The following RANBP2 variants were observed in gnomAD, a reference collection of about 807,000 sequenced individuals.
The protein encoded by RANBP2 is RAN binding protein 2, also known as E3 SUMO-protein ligase RanBP2.
Under a neutral mutation model 303.6 loss-of-function variants are expected in RANBP2, and 57 were observed. The ratio of observed to expected loss-of-function variants is 0.19; its 90% confidence interval spans 0.15 to 0.23. The LOEUF (loss-of-function observed/expected upper bound fraction) is 0.23. RANBP2 is among the 10% of genes least tolerant of loss of function. RANBP2 has a pLI of 1.00. For missense variants in RANBP2, 3,138 were observed against 3,780.8 expected (o/e 0.83, Z 4.46); for synonymous variants, 1,167 against 1,301.5 (o/e 0.90, Z 2.23).
the RANBP2 span, among the ~76,000 whole-genome samples, chr2:109,553,679 C>A: frequency 1.3e-5 from 2 of 151,854 alleles, no homozygotes; most frequent in African/African-American, 2.4e-5. Flanking sequence ...ATGGTGAAAC[C>A]CTGTCTCTAC....
chr2:109,322,412 C>T, the RANBP2 span, among the ~76,000 whole-genome samples: 2 of 152,162 alleles, frequency 1.3e-5, no homozygotes, highest in African/African-American at 4.8e-5. Context: ...ATCCAGGAGC[C>T]TGAACTAGGA....
the RANBP2 span, among the ~76,000 whole-genome samples, chr2:109,528,859 G>C: frequency 6.6e-6 from 1 of 152,236 alleles, no homozygotes; most frequent in Non-Finnish European, 1.5e-5. Flanking sequence ...GTCCTTGGAA[G>C]TGACCATGGG....
At position 108,764,775 on chromosome 2, in the gene RANBP2, T is replaced by G; in HGVS notation, c.4236T>G (p.Thr1412=). 2 of 1,614,042 alleles carry G rather than the reference T, an allele frequency of 1.2e-6. No individual in the cohort carries two copies. Among genetic ancestry groups the G allele is most frequent in the Non-Finnish European group, 1.7e-6 (2 of 1,179,982 alleles). Residue 1412 remains threonine, a synonymous_variant, in exon 20 of 29, where the codon ACT becomes ACG. Transcript: ENST00000283195. ...ENVQDRFALV[T]PKKEGHWDCS... Reference sequence around the variant, plus strand: ...TTCAAGATCGATTTGCATTGGTGACTCCAAAGAAAGAAGGTCACTGGGATT... The same window carrying G: ...TTCAAGATCGATTTGCATTGGTGACGCCAAAGAAAGAAGGTCACTGGGATT...
the RANBP2 span, among the ~76,000 whole-genome samples, chr2:109,066,306 A>G: frequency 2.0e-5 from 3 of 151,818 alleles, no homozygotes; most frequent in Non-Finnish European, 4.4e-5. Flanking sequence ...ACGGGGTTTC[A>G]CCATGTTGGC....
Position 108,736,204 on chromosome 2 carries a change from C to G in RANBP2, c.737C>G (p.Thr246Arg), listed in dbSNP as rs770986482. Reference protein sequence around the residue: ...LLAYANLMLLTLSTRDVQESR... With the variant: ...LLAYANLMLLRLSTRDVQESR... ...GCCTATGCTAATCTTATGCTTCTTACGCTTTCCACTAGAGATGTGCAGGAA... is the reference window on the plus strand; with the variant it reads ...GCCTATGCTAATCTTATGCTTCTTAGGCTTTCCACTAGAGATGTGCAGGAA... The change falls in exon 6 of 29, where the codon ACG (threonine) becomes AGG (arginine). Residue 246 changes from threonine to arginine, a missense_variant. By Grantham distance (71) the Thr-to-Arg change is moderately conservative (BLOSUM62 -1). Around this residue, in one of 20 missense-constraint regions of RANBP2, gnomAD observed 306 missense variants for 381.9 expected, o/e 0.80. Coordinates refer to ENST00000283195, the MANE Select transcript of RANBP2 (RefSeq NM_006267.5). The G allele has an allele frequency of 2.5e-5, 41 of 1,611,960 alleles. No individual in the cohort carries two copies. Among genetic ancestry groups the G allele is most frequent in the Non-Finnish European group, 3.5e-5 (41 of 1,179,844 alleles).
chr2:109,161,878 TG>T, the RANBP2 span, among the ~76,000 whole-genome samples: 656 of 151,958 alleles, frequency 4.3e-3, 3 homozygotes, highest in African/African-American at 0.015. Flanking sequence ...ATACAAGGTT[TG>T]GGGGACAAAT....
the RANBP2 span, among the ~76,000 whole-genome samples, chr2:109,141,942 C>T: frequency 1.3e-5 from 2 of 152,102 alleles, no homozygotes; most frequent in African/African-American, 4.8e-5. Flanking sequence ...CCTTTCTACA[C>T]TCACGGAAGT....
chr2:109,288,609 G>A, the RANBP2 span, among the ~76,000 whole-genome samples: 1 of 152,196 alleles, frequency 6.6e-6, no homozygotes, highest in East Asian at 1.9e-4. Context: ...ACAGCACACT[G>A]GGATTTTTGC....
downstream of RANBP2, chr2:108,787,032 C>T (rs952828533): frequency 1.5e-5 from 8 of 542,438 alleles, no homozygotes; most frequent in Middle Eastern, 5.8e-4. Flanking sequence ...CCCCGGCACT[C>T]CCGCCGTGGC....
the RANBP2 span, among the ~76,000 whole-genome samples, chr2:109,698,207 T>A: frequency 6.6e-6 from 1 of 152,174 alleles, no homozygotes; most frequent in Non-Finnish European, 1.5e-5. Flanking sequence ...ACCCAGTTTT[T>A]TTTTTGCAGT....
chr2:109,329,653 A>G, the RANBP2 span, among the ~76,000 whole-genome samples: 22 of 152,342 alleles, frequency 1.4e-4, no homozygotes, highest in Non-Finnish European at 2.8e-4. Context: ...AGATTTGCAC[A>G]TTTCTAGAGG....
the RANBP2 span, among the ~76,000 whole-genome samples, chr2:108,887,220 A>G: frequency 2.6e-5 from 4 of 151,720 alleles, no homozygotes; most frequent in Non-Finnish European, 4.4e-5. Flanking sequence ...TGGTTTCTTT[A>G]TTTTGTTCCA....
chr2:109,360,073 A>G, the RANBP2 span, among the ~76,000 whole-genome samples: 22 of 152,114 alleles, frequency 1.4e-4, no homozygotes, highest in Non-Finnish European at 2.5e-4. Context: ...CAAAAAAAAA[A>G]AAAAAAAAGT....
chr2:109,114,657 T>C, the RANBP2 span, among the ~76,000 whole-genome samples: 6 of 151,972 alleles, frequency 3.9e-5, no homozygotes, highest in Non-Finnish European at 8.8e-5. Flanking sequence ...ATTTTAGTTA[T>C]TTCTTGCCTT....
the RANBP2 span, chr2:108,910,692 C>G: frequency 2.0e-5 from 30 of 1,511,210 alleles, no homozygotes; most frequent in African/African-American, 4.0e-4. Flanking sequence ...AGAGCAGAAG[C>G]AGCGAGGAGG....
chr2:108,851,215 G>A, the RANBP2 span, among the ~76,000 whole-genome samples: 1 of 152,274 alleles, frequency 6.6e-6, no homozygotes, highest in African/African-American at 2.4e-5. Flanking sequence ...TCCCCTCCCT[G>A]GAGCACCACG....
chr2:109,496,485 CCTCT>C, the RANBP2 span, among the ~76,000 whole-genome samples: 1 of 152,222 alleles, frequency 6.6e-6, no homozygotes, highest in Non-Finnish European at 1.5e-5. Flanking sequence ...TTCACTATGA[CCTCT>C]CTAATAGTAA....
At chr2:109,733,346 A>C in the RANBP2 span, among the ~76,000 whole-genome samples, 1 of 152,208 alleles carries the variant, frequency 6.6e-6, no homozygotes, top group African/African-American at 2.4e-5. Context: ...ATCTCAATTG[A>C]CATGGAAAAA....
At chr2:109,300,844 TACTA>T in the RANBP2 span, among the ~76,000 whole-genome samples, 1 of 152,176 alleles carries the variant, frequency 6.6e-6, no homozygotes, top group African/African-American at 2.4e-5. Context: ...CCAAGGCTCC[TACTA>T]AATCAGAACG....
Sources: gnomAD v4.1 joint callset for allele counts (sites outside exome capture counted in the v4.1 genomes callset) on GRCh38, gnomAD v4.1.1 for gene constraint, gnomAD v4.1.1 regional missense constraint, MANE v1.5 for transcripts, NCBI Gene and HGNC (gene_info 2026-07-23, HGNC 2026-07-21) for gene names.